The following TMEM178B variants were observed in gnomAD, a reference collection of about 807,000 sequenced individuals.
The protein encoded by TMEM178B is transmembrane protein 178B.
TMEM178B carries 5 observed loss-of-function variants against 31.0 expected under a neutral mutation model. The ratio of observed to expected loss-of-function variants is 0.16; its 90% CI spans 0.08 to 0.34. The LOEUF (loss-of-function observed/expected upper bound fraction) is 0.34, where lower values mean the gene tolerates loss of function less well. Ranked by LOEUF, TMEM178B falls within the 10% of genes least tolerant of loss-of-function variation. The probability of loss-of-function intolerance (pLI) is 1.00; values close to 1 mark genes in which losing one functional copy is unlikely to be tolerated. For missense variants in TMEM178B, 275 were observed against 400.3 expected, an observed-to-expected ratio of 0.69 and a Z score of 2.67; for synonymous variants, 164 against 164.0, an observed-to-expected ratio of 1.00 and a Z score of 0.00.
chr7:141,448,023 C>G (rs1343850972), intron 3 of TMEM178B, among the ~76,000 whole-genome samples: 4 of 151,690 alleles, frequency 2.6e-5, no homozygotes, highest in African/African-American at 9.7e-5. Flanking sequence ...CTTAAGAAAC[C>G]AGATCTCGTC....
At chr7:141,495,543 C>G in the TMEM178B span, among the ~76,000 whole-genome samples, 1 of 152,128 alleles carries the variant, frequency 6.6e-6, no homozygotes, top group African/African-American at 2.4e-5. Context: ...TTGACAATAT[C>G]AAGATTTGAA....
At chr7:141,152,700 G>C (rs559494966) in intron 1 of TMEM178B, among the ~76,000 whole-genome samples, 20 of 152,350 alleles carry the variant, frequency 1.3e-4, no homozygotes, top group Admixed American at 9.8e-4. Flanking sequence ...TCCAACCCGA[G>C]GGGCTGCTTC....
chr7:141,297,788 G>A (rs1253435415), intron 2 of TMEM178B, among the ~76,000 whole-genome samples: 1 of 152,124 alleles, frequency 6.6e-6, no homozygotes, highest in African/African-American at 2.4e-5. Context: ...CCAAGTCTTT[G>A]CTATTGTGAA....
chr7:141,483,275 A>G (rs60267261), downstream of TMEM178B, among the ~76,000 whole-genome samples: 941 of 152,266 alleles, frequency 6.2e-3, 15 homozygotes, highest in East Asian at 0.029. Flanking sequence ...CAGAGCAAAC[A>G]AAACACACTT....
In TMEM178B at chr7:141,472,252, A is replaced by T. The variant is rs1050455749; in HGVS notation, c.*1466A>T. On this transcript the variant is annotated 3_prime_UTR_variant, in exon 4 of 4. Coordinates refer to ENST00000565468, the MANE Select transcript of TMEM178B (RefSeq NM_001195278.2). Reference sequence around the variant, plus strand: ...TTTCCCATGGGCTCAAGTTTGTATGATATTGTGTAAATTAATGCAGAACTC... The same window carrying T: ...TTTCCCATGGGCTCAAGTTTGTATGTTATTGTGTAAATTAATGCAGAACTC... 2 of 152,064 alleles carry T rather than the reference A, an allele frequency of 1.3e-5. No homozygotes were observed. Among genetic ancestry groups the T allele is most frequent in the African/African-American group, 4.8e-5 (2 of 41,388 alleles). 9.4% of individuals were successfully genotyped at this position (152,064 alleles called of 1,614,324 possible).
chr7:141,224,638 T>G (rs1031030627), intron 2 of TMEM178B, among the ~76,000 whole-genome samples: 1 of 152,126 alleles, frequency 6.6e-6, no homozygotes, highest in Non-Finnish European at 1.5e-5. Context: ...GATCTCAACA[T>G]TTACCCAAGC....
At chr7:141,278,076 A>G (rs1029533818) in intron 2 of TMEM178B, among the ~76,000 whole-genome samples, 16 of 152,212 alleles carry the variant, frequency 1.1e-4, no homozygotes, top group African/African-American at 3.6e-4. Flanking sequence ...TAAAATACCA[A>G]TGAAGAAATT....
At chr7:141,376,530 G>C (rs907982271) in intron 2 of TMEM178B, among the ~76,000 whole-genome samples, 1 of 152,100 alleles carries the variant, frequency 6.6e-6, no homozygotes, top group African/African-American at 2.4e-5. Flanking sequence ...GAACACCATC[G>C]ATGTCTTCTT....
At chr7:141,437,312 C>T (rs902919756) in intron 2 of TMEM178B, among the ~76,000 whole-genome samples, 15 of 152,204 alleles carry the variant, frequency 9.9e-5, no homozygotes, top group African/African-American at 1.4e-4. Context: ...AGATATATAG[C>T]TAGGCAGCGC....
the TMEM178B span, among the ~76,000 whole-genome samples, chr7:141,496,787 TA>T: frequency 6.6e-6 from 1 of 150,490 alleles, no homozygotes; most frequent in Non-Finnish European, 1.5e-5. Context: ...AAAAATGGTC[TA>T]AAATCAAAAG....
the TMEM178B span, among the ~76,000 whole-genome samples, chr7:141,505,510 C>T: frequency 3.3e-5 from 5 of 152,180 alleles, no homozygotes; most frequent in Non-Finnish European, 5.9e-5. Flanking sequence ...TTGCCCTGGG[C>T]CTGGCAAGTC....
chr7:141,110,677 G>A (rs984020039), intron 1 of TMEM178B, among the ~76,000 whole-genome samples: 1 of 152,174 alleles, frequency 6.6e-6, no homozygotes, highest in Non-Finnish European at 1.5e-5. Flanking sequence ...AAATTCCAGA[G>A]AATAGCAAAT....
intron 2 of TMEM178B, among the ~76,000 whole-genome samples, chr7:141,434,970 T>A (rs1043848740): frequency 6.6e-6 from 1 of 152,268 alleles, no homozygotes; most frequent in African/African-American, 2.4e-5. Context: ...AGTATTCCAT[T>A]GTGTATATGT....
downstream of TMEM178B, among the ~76,000 whole-genome samples, chr7:141,482,597 C>A (rs573841127): frequency 8.5e-5 from 13 of 152,302 alleles, no homozygotes; most frequent in Admixed American, 7.8e-4. Context: ...GTATTAAATT[C>A]TTCTTTAGAG....
intron 2 of TMEM178B, among the ~76,000 whole-genome samples, chr7:141,262,418 C>T (rs188347459): frequency 1.5e-4 from 23 of 150,032 alleles, no homozygotes; most frequent in Admixed American, 1.1e-3. Flanking sequence ...GAGAAAGCGA[C>T]AGCTTTTTCT....
At chr7:141,329,901 C>T (rs1799265964) in intron 2 of TMEM178B, among the ~76,000 whole-genome samples, 1 of 152,158 alleles carries the variant, frequency 6.6e-6, no homozygotes, top group Admixed American at 6.5e-5. Context: ...GGGAACTCAT[C>T]AGGAAGTATT....
chr7:141,165,647 T>G (rs1796249260), intron 1 of TMEM178B, among the ~76,000 whole-genome samples: 1 of 152,200 alleles, frequency 6.6e-6, no homozygotes, highest in African/African-American at 2.4e-5. Context: ...ACCCCCTCCT[T>G]TCAAAGGCAT....
intron 2 of TMEM178B, among the ~76,000 whole-genome samples, chr7:141,255,105 A>G (rs1797905064): frequency 6.6e-6 from 1 of 152,220 alleles, no homozygotes; most frequent in Non-Finnish European, 1.5e-5. Context: ...CTTAATATGC[A>G]AAGCTTATTT....
chr7:141,179,498 G>A (rs1796484446), intron 1 of TMEM178B, among the ~76,000 whole-genome samples: 1 of 152,234 alleles, frequency 6.6e-6, no homozygotes, highest in Non-Finnish European at 1.5e-5. Context: ...AATATGCAGT[G>A]TCACTGGAAA....
Sources: gnomAD v4.1 joint callset for allele counts (sites outside exome capture counted in the v4.1 genomes callset) on GRCh38, gnomAD v4.1.1 for gene constraint, MANE v1.5 for transcripts, NCBI Gene and HGNC (gene_info 2026-07-23, HGNC 2026-07-21) for gene names.